The following CREB5 variants were observed in gnomAD, a reference collection of about 807,000 sequenced individuals.
CREB5 encodes the protein cAMP responsive element binding protein 5.
A neutral mutation model predicts 57.1 loss-of-function variants in CREB5; 19 were observed. The observed-to-expected ratio is 0.33, with a 90% CI of 0.23 to 0.49. CREB5 has a LOEUF of 0.49. Ranked by LOEUF, CREB5 falls within the 20% of genes least tolerant of loss-of-function variation. The pLI is 0.99. For synonymous variants in CREB5, 238 were observed against 238.3 expected (o/e 1.00, Z 0.01); for missense variants, 579 against 671.6 (o/e 0.86, Z 1.52).
intron 5 of CREB5, among the ~76,000 whole-genome samples, chr7:28,610,975 G>GGT (rs1039604692): frequency 1.3e-5 from 2 of 151,830 alleles, no homozygotes; most frequent in African/African-American, 2.4e-5. Context: ...AAGGTAGGGG[G>GGT]GTGTGTGTGT....
chr7:28,451,498 C>T (rs1789810061), intron 1 of CREB5, among the ~76,000 whole-genome samples: 1 of 147,802 alleles, frequency 6.8e-6, no homozygotes, highest in Non-Finnish European at 1.5e-5. Context: ...GTGTGTTTGT[C>T]TATATCTATA....
At position 28,507,349 on chromosome 7, in the gene CREB5, G is replaced by A. The variant is rs193286641; in HGVS notation, c.170-267G>A. On this transcript the variant is annotated intron_variant, in intron 3 of 10. Transcript: ENST00000357727. ...TTCAAATGGTACAGACTTCAGACAA[G>A]TGGAGAGTGAGATCTCCTGAAGTTG... Among the ~76,000 whole-genome samples the A allele has an allele frequency of 2.6e-5, 4 of 152,310 alleles. No homozygotes were observed. In the East Asian group the frequency reaches 7.7e-4, roughly 29 times the overall value.
chr7:28,428,579 T>A (rs891700763), intron 1 of CREB5, among the ~76,000 whole-genome samples: 1 of 152,116 alleles, frequency 6.6e-6, no homozygotes, highest in South Asian at 2.1e-4. Flanking sequence ...ATTAAGGTAT[T>A]TGACCTGAGA....
At chr7:28,525,842 A>G (rs1426977690) in intron 4 of CREB5, among the ~76,000 whole-genome samples, 1 of 152,162 alleles carries the variant, frequency 6.6e-6, no homozygotes, top group African/African-American at 2.4e-5. Flanking sequence ...TCTAAGCCTC[A>G]GTCTTCTCAT....
intron 4 of CREB5, among the ~76,000 whole-genome samples, chr7:28,551,973 C>CTCTCTCTCTTTCTCTCT (rs1794678053): frequency 9.0e-6 from 1 of 111,554 alleles, no homozygotes; most frequent in African/African-American, 4.5e-5. Flanking sequence ...TTTATTCTCT[C>CTCTCTCTCTTTCTCTCT]TTTCTCTCTC....
chr7:28,560,951 C>CGTGCGTGTGCGTGCACGT (rs1795208911), intron 4 of CREB5, among the ~76,000 whole-genome samples: 1 of 38,950 alleles, frequency 2.6e-5, no homozygotes, highest in Non-Finnish European at 5.2e-5. Context: ...CGTGTGTGTG[C>CGTGCGTGTGCGTGCACGT]GTGTGTGTGC....
intron 5 of CREB5, among the ~76,000 whole-genome samples, chr7:28,622,583 C>G (rs998186364): frequency 6.6e-6 from 1 of 152,172 alleles, no homozygotes. Context: ...TATGCTTTAT[C>G]TTGTTTAATC....
At chr7:28,410,537 G>C (rs1026190830), upstream of CREB5, 4 of 456,556 alleles carry the variant, frequency 8.8e-6, no homozygotes, top group East Asian at 2.1e-4. Context: ...TTTAAGGGGC[G>C]TCTGGTAGAT....
intron 4 of CREB5, among the ~76,000 whole-genome samples, chr7:28,519,941 C>T (rs914569337): frequency 2.6e-5 from 4 of 152,136 alleles, no homozygotes; most frequent in Admixed American, 6.5e-5. Context: ...CACATATGTG[C>T]ATTAAACCAA....
chr7:28,640,324 T>A (rs1798601439), intron 5 of CREB5, among the ~76,000 whole-genome samples: 1 of 152,238 alleles, frequency 6.6e-6, no homozygotes. Flanking sequence ...TCTGTGGTAT[T>A]TTGATTTTGA....
At chr7:28,730,060 C>T (rs1267692332) in intron 7 of CREB5, among the ~76,000 whole-genome samples, 2 of 152,186 alleles carry the variant, frequency 1.3e-5, no homozygotes, top group Non-Finnish European at 2.9e-5. Flanking sequence ...TCTTAAAACA[C>T]CGTGGTAGAG....
At chr7:28,405,708 C>T (rs758391856) in intron 1 of CREB5, among the ~76,000 whole-genome samples, 5 of 152,168 alleles carry the variant, frequency 3.3e-5, no homozygotes, top group Non-Finnish European at 5.9e-5. Context: ...TGAGCCACTG[C>T]GCCTGGCCTT....
At chr7:28,306,613 T>G (rs1232153638) in intron 1 of CREB5, among the ~76,000 whole-genome samples, 1 of 126,426 alleles carries the variant, frequency 7.9e-6, no homozygotes, top group East Asian at 2.5e-4. Flanking sequence ...CAGGCTGGAG[T>G]GCAGTGGCGG....
At chr7:28,654,327 T>C (rs1799252353) in intron 5 of CREB5, among the ~76,000 whole-genome samples, 1 of 152,248 alleles carries the variant, frequency 6.6e-6, no homozygotes, top group South Asian at 2.1e-4. Context: ...ACTGAGCTGC[T>C]TCTGCCTGTC....
At position 28,327,148 on chromosome 7, in the gene CREB5, C is replaced by CAAAAA. The variant is rs751999998; in HGVS notation, c.-25+27723_-25+27727dup. On this transcript the variant is annotated intron_variant, in intron 1 of 9. Transcript: ENST00000396299. ...TGGGCGACAGGGTGAGACTCCATCT[C>CAAAAA]AAAAAAAAAAAAAAAAAAAAGGAAA... Among the ~76,000 whole-genome samples the CAAAAA allele has an allele frequency of 5.8e-5, 4 of 69,214 alleles. No individual in the cohort carries two copies. In the South Asian group the frequency reaches 2.2e-3, roughly 37 times the overall value. The allele number at this position is 69,214 out of a possible 152,430, so 45.4% of individuals were successfully genotyped here.
At chr7:28,413,010 A>G in intron 1 of CREB5, 93 bp downstream of exon 1, 2 of 1,195,290 alleles carry the variant, frequency 1.7e-6, no homozygotes, top group Non-Finnish European at 2.3e-6. Flanking sequence ...GATGGAATTC[A>G]GAAATGGAGT....
chr7:28,737,263 G>A (rs892148400), intron 7 of CREB5, among the ~76,000 whole-genome samples: 2 of 151,860 alleles, frequency 1.3e-5, no homozygotes, highest in Non-Finnish European at 2.9e-5. Context: ...ACAGCTCTCA[G>A]TTGGAATTAA....
chr7:28,749,623 C>T (rs946836133), intron 7 of CREB5: 2 of 152,156 alleles, frequency 1.3e-5, no homozygotes, highest in African/African-American at 4.8e-5. Context: ...TTGTCTGTTG[C>T]ATTTATTAAA....
chr7:28,448,787 G>A (rs1267648054), intron 1 of CREB5, among the ~76,000 whole-genome samples: 1 of 152,222 alleles, frequency 6.6e-6, no homozygotes, highest in Non-Finnish European at 1.5e-5. Flanking sequence ...GGGCCCTGGG[G>A]CCAGGCAGTG....
Sources: allele counts gnomAD v4.1 joint callset (sites outside exome capture counted in the v4.1 genomes callset), GRCh38; gene constraint gnomAD v4.1.1; transcripts MANE v1.5; gene names NCBI Gene and HGNC (gene_info 2026-07-23, HGNC 2026-07-21).